PRPF6: variants seen among roughly 807,000 people sequenced by gnomAD.
The protein encoded by PRPF6 is pre-mRNA processing factor 6.
PRPF6 carries 42 observed loss-of-function variants against 118.3 expected under a neutral mutation model. The observed-to-expected ratio is 0.35, with a 90% CI of 0.28 to 0.46. The LOEUF (loss-of-function observed/expected upper bound fraction) is 0.46. Among genes scored for constraint, PRPF6 ranks in the 20% least tolerant of loss-of-function variants. The probability of loss-of-function intolerance (pLI) is 1.00; values close to 1 mark genes in which losing one functional copy is unlikely to be tolerated. For missense variants in PRPF6, 662 were observed against 1,255.7 expected, an observed-to-expected ratio of 0.53 and a Z score of 7.15; for synonymous variants, 481 against 485.1, an observed-to-expected ratio of 0.99 and a Z score of 0.11.
intron 3 of PRPF6, among the ~76,000 whole-genome samples, chr20:63,988,927 C>T (rs1251655221): frequency 6.6e-6 from 1 of 150,700 alleles, no homozygotes; most frequent in Non-Finnish European, 1.5e-5. Context: ...CCAAAAAAGA[C>T]CCAGAATAGG....
At chr20:64,015,947 G>A (rs1050443584) in intron 11 of PRPF6, among the ~76,000 whole-genome samples, 2 of 152,126 alleles carry the variant, frequency 1.3e-5, no homozygotes, top group Non-Finnish European at 2.9e-5. Context: ...GGCAACATAA[G>A]GAGACCCTGT....
intron 3 of PRPF6, among the ~76,000 whole-genome samples, chr20:63,990,545 C>T (rs1300827866): frequency 1.3e-5 from 2 of 151,752 alleles, no homozygotes; most frequent in African/African-American, 2.4e-5. Context: ...ATTATAGCTC[C>T]CTGTAACCTT....
chr20:64,009,298 A>T (rs1431451039), intron 9 of PRPF6, among the ~76,000 whole-genome samples: 2 of 151,742 alleles, frequency 1.3e-5, no homozygotes, highest in African/African-American at 4.8e-5. Context: ...AAAAAAAAAA[A>T]AAAAAGAGAG....
chr20:63,992,539 A>T (rs1049921743), intron 3 of PRPF6, among the ~76,000 whole-genome samples: 20 of 151,762 alleles, frequency 1.3e-4, no homozygotes, highest in Non-Finnish European at 2.5e-4. Context: ...TTACAGGTGT[A>T]AGCCACCACG....
chr20:63,983,484 A>G (rs2122969138), intron 2 of PRPF6, among the ~76,000 whole-genome samples: 1 of 123,600 alleles, frequency 8.1e-6, no homozygotes, highest in Admixed American at 8.7e-5. Flanking sequence ...TTTTTTTGAG[A>G]CGGAATTTCG....
intron 9 of PRPF6, among the ~76,000 whole-genome samples, chr20:64,004,279 G>T (rs563008637): frequency 6.6e-6 from 1 of 152,360 alleles, no homozygotes; most frequent in Non-Finnish European, 1.5e-5. Flanking sequence ...AGGCAGAGAA[G>T]CTGGGCTAAG....
At position 64,011,524 on chromosome 20, in the gene PRPF6, G is replaced by A. The variant is rs755497802; in HGVS notation, c.1524+21G>A. 11 of 1,601,630 alleles carry A rather than the reference G, an allele frequency of 6.9e-6. No homozygotes were observed. Among genetic ancestry groups the A allele is most frequent in the African/African-American group, 4.0e-5 (3 of 74,596 alleles). ...TCCAGGTGGGCCGCAGGCGGGTGTC[G>A]TGGTGTCTGCTTTAACAGTGCACAT... On this transcript the variant is annotated intron_variant, in intron 11 of 20. Transcript: ENST00000266079. This position sits in a 1 kb window ranked among gnomAD's most constrained non-coding sequence, Gnocchi z 6.7.
chr20:64,030,141 C>A (rs1488344912), intron 19 of PRPF6, among the ~76,000 whole-genome samples: 7 of 152,252 alleles, frequency 4.6e-5, no homozygotes, highest in Admixed American at 2.0e-4. Flanking sequence ...TCAGGGCCAT[C>A]CCCGACCCCC....
chr20:64,023,299 T>G (rs573680421), intron 13 of PRPF6, among the ~76,000 whole-genome samples: 2 of 152,356 alleles, frequency 1.3e-5, no homozygotes, highest in Admixed American at 1.3e-4. Flanking sequence ...GTTTTTGTGC[T>G]CAGAGGAGGT....
intron 10 of PRPF6, among the ~76,000 whole-genome samples, 190 bp downstream of exon 10, chr20:64,010,508 C>T (rs1417974704): frequency 6.6e-6 from 1 of 152,258 alleles, no homozygotes; most frequent in East Asian, 1.9e-4. Flanking sequence ...GGTCAGTGGC[C>T]TCAGCTAGCT....
In PRPF6 at chr20:64,028,590, C is replaced by T. The variant is rs200760491; in HGVS notation, c.2431+21C>T. 3.2e-4 allele frequency: 516 copies of T among 1,608,376 alleles called. No individual in the cohort carries two copies. The African/African-American group carries it at 5.5e-3, about 17-fold the overall frequency. The stretch of plus-strand genomic sequence containing the variant: ...CTCCGGTAAGGGGGTGCCCCGACTC[C>T]GGTAAGGGGGTGCCCTGACTCCGGT... On this transcript the variant is annotated intron_variant, in intron 18 of 20. Coordinates refer to ENST00000266079, the MANE Select transcript of PRPF6 (RefSeq NM_012469.4). This position sits in a 1 kb window ranked among gnomAD's most constrained non-coding sequence, Gnocchi z 6.5.
At position 64,028,682 on chromosome 20, in the gene PRPF6, TC is replaced by T. The variant is rs2059302385; in HGVS notation, c.2431+115del. Reference sequence around the variant, plus strand: ...TCCCAGACTCCGCAGGGCTGGCACTTCCTGAGGGAGTGGGGGCTCAGGCTTC... The same window carrying T: ...TCCCAGACTCCGCAGGGCTGGCACTTCTGAGGGAGTGGGGGCTCAGGCTTC... On this transcript the variant is annotated intron_variant, in intron 18 of 20. Transcript: ENST00000266079. This position sits in a 1 kb window ranked among gnomAD's most constrained non-coding sequence, Gnocchi z 6.5. 1.7e-6 allele frequency: 2 copies of T among 1,156,916 alleles called. No homozygotes were observed. The highest frequency in any genetic ancestry group is 1.3e-5 in the South Asian group (1 of 78,060). 71.7% of individuals were successfully genotyped at this position (1,156,916 alleles called of 1,614,324 possible). A position where few individuals can be genotyped will look rare whatever the true frequency, so the allele number is the denominator to read the frequency against.
intron 8 of PRPF6, among the ~76,000 whole-genome samples, chr20:64,000,318 G>A (rs572322047): frequency 1.1e-4 from 16 of 151,942 alleles, no homozygotes; most frequent in South Asian, 8.3e-4. Context: ...GCGAAACCCC[G>A]TCTCTACTAA....
intron 12 of PRPF6, 108 bp downstream of exon 12, chr20:64,016,953 TTA>T: frequency 2.0e-5 from 28 of 1,432,926 alleles, no homozygotes; most frequent in African/African-American, 1.9e-4. Context: ...TTTTTTTTTT[TTA>T]AATCTGAGAC....
At chr20:63,987,756 C>T (rs1202650185) in intron 3 of PRPF6, among the ~76,000 whole-genome samples, 2 of 152,200 alleles carry the variant, frequency 1.3e-5, no homozygotes, top group African/African-American at 4.8e-5. Flanking sequence ...ATTAAAGTTG[C>T]AGGCTATGCC....
In PRPF6 at chr20:64,026,108, A is replaced by G; in HGVS notation, c.2028+50A>G. ...GCCGTCTGGGGTGCATGGTGTGCAC[A>G]TGCGGGCCCCACGCCTGGCTTGGGT... On this transcript the variant is annotated intron_variant, in intron 15 of 20. Coordinates refer to ENST00000266079, the MANE Select transcript of PRPF6 (RefSeq NM_012469.4). The surrounding 1 kb of genome is among the most constrained non-coding windows in gnomAD (Gnocchi z 4.4). The G allele has an allele frequency of 6.3e-7, 1 of 1,596,128 alleles. No individual in the cohort carries two copies. The highest frequency in any genetic ancestry group is 8.5e-7 in the Non-Finnish European group (1 of 1,178,904).
At chr20:63,999,456 A>G in intron 7 of PRPF6, 147 bp from the exon 8 acceptor site, 2 of 1,082,562 alleles carry the variant, frequency 1.8e-6, no homozygotes, top group Non-Finnish European at 2.8e-6. Context: ...AATAGTGCGC[A>G]CTGAGGTTTT....
intron 19 of PRPF6, among the ~76,000 whole-genome samples, chr20:64,031,157 G>T (rs2059312220): frequency 6.6e-6 from 1 of 152,248 alleles, no homozygotes; most frequent in South Asian, 2.1e-4. Context: ...GCAGGCCCAG[G>T]CCCTTGTGCT....
intron 9 of PRPF6, among the ~76,000 whole-genome samples, chr20:64,005,040 G>A (rs2059183523): frequency 6.6e-6 from 1 of 152,282 alleles, no homozygotes; most frequent in South Asian, 2.1e-4. Context: ...CTTCATGGCT[G>A]TGTCTAGCAT....
Sources: allele counts gnomAD v4.1 joint callset (sites outside exome capture counted in the v4.1 genomes callset), GRCh38; gene constraint gnomAD v4.1.1; non-coding constraint Gnocchi (gnomAD v3.1); transcripts MANE v1.5; gene names NCBI Gene and HGNC (gene_info 2026-07-23, HGNC 2026-07-21).